Variants in TRPM5 observed in about 807,000 individuals in gnomAD.
The protein encoded by TRPM5 is transient receptor potential cation channel subfamily M member 5, also known as MLSN1 and TRP-related.
In TRPM5, 121 loss-of-function variants were observed where a neutral mutation model predicts 124.9. The observed-to-expected ratio is 0.97, with a 90% CI of 0.84 to 1.13. The LOEUF (loss-of-function observed/expected upper bound fraction) is 1.13. Among genes scored for constraint, TRPM5 ranks in the 50% most tolerant of loss-of-function variants. TRPM5 has a pLI of 0.00. For synonymous variants in TRPM5, 781 were observed against 700.5 expected (o/e 1.11, Z -1.81); for missense variants, 1,643 against 1,589.1 (o/e 1.03, Z -0.58).
chr11:2,429,828 C>G, the TRPM5 span, among the ~76,000 whole-genome samples: 2 of 151,962 alleles, frequency 1.3e-5, no homozygotes, highest in African/African-American at 2.4e-5. This position sits in a 1 kb window ranked among gnomAD's most constrained non-coding sequence, Gnocchi z 8.4. Context: ...GTGTCAAAGG[C>G]GGGACCAGGT....
At chr11:2,417,907 G>A (rs990458277) in intron 6 of TRPM5, 78 bp from the exon 12 acceptor site, 21 of 1,356,402 alleles carry the variant, frequency 1.5e-5, no homozygotes, top group African/African-American at 2.9e-5. Flanking sequence ...AGACACCAGC[G>A]TAGGCACAGG....
chr11:2,422,983 C>T (rs2133537385), exon 1 of TRPM5: 1 of 1,613,106 alleles, frequency 6.2e-7, no homozygotes, highest in Non-Finnish European at 8.5e-7. Context: ...CCAGCTCCCG[C>T]CGGTCTTCAG....
At chr11:2,414,837 C>T (rs771893857) in exon 11 of TRPM5, 1 of 1,591,578 alleles carries the variant, frequency 6.3e-7, no homozygotes, top group Non-Finnish European at 8.5e-7. Flanking sequence ...ACCTTCCTGG[C>T]CCTACGAGAC....
the TRPM5 span, among the ~76,000 whole-genome samples, chr11:2,431,114 T>C: frequency 6.6e-6 from 1 of 152,236 alleles, no homozygotes; most frequent in African/African-American, 2.4e-5. Context: ...CTTTGTCCCC[T>C]AGCATGGCTG....
exon 24 of TRPM5, chr11:2,404,843 G>T: frequency 9.4e-7 from 1 of 1,059,738 alleles, no homozygotes; most frequent in South Asian, 1.4e-5. Context: ...GGTGCCCCCT[G>T]GGGGGTTCCG....
the TRPM5 span, among the ~76,000 whole-genome samples, chr11:2,435,438 C>T: frequency 6.6e-6 from 1 of 152,196 alleles, no homozygotes; most frequent in African/African-American, 2.4e-5. The surrounding 1 kb of genome is among the most constrained non-coding windows in gnomAD (Gnocchi z 4.1). Context: ...ACCCAGCCAT[C>T]CAGCCTTCCA....
At chr11:2,406,836 G>A in intron 20 of TRPM5, 43 bp from the exon 26 acceptor site, 1 of 1,587,592 alleles carries the variant, frequency 6.3e-7, no homozygotes, top group African/African-American at 1.3e-5. Flanking sequence ...GAGCATGTGG[G>A]CGTCAGTGGC....
chr11:2,415,078 C>CG, intron 9 of TRPM5, 31 bp from the exon 15 acceptor site: 1 of 1,588,604 alleles, frequency 6.3e-7, no homozygotes, highest in Non-Finnish European at 8.5e-7. Context: ...CCTCCTGCTG[C>CG]GGCCCCAGCC....
chr11:2,428,539 G>A, the TRPM5 span, among the ~76,000 whole-genome samples: 3 of 151,250 alleles, frequency 2.0e-5, no homozygotes, highest in Admixed American at 6.6e-5. The surrounding 1 kb of genome is among the most constrained non-coding windows in gnomAD (Gnocchi z 4.0). Flanking sequence ...CATGGGGACC[G>A]TGCTGATGGC....
In TRPM5 at chr11:2,421,064, CG is replaced by C. The variant is rs1589875399; in HGVS notation, c.432del (p.Val145SerfsTer53). On this transcript the variant is annotated frameshift_variant, in exon 3 of 24. Coordinates refer to ENST00000155858, the Ensembl canonical transcript of TRPM5. LOFTEE classifies it high-confidence loss of function. The stretch of plus-strand genomic sequence containing the variant: ...TCCTCCAGAATGCGGCGGTGCAGGA[CG>C]CGGCCCAGCGAGGCCATGCCGACAG... 6.5e-7 allele frequency: 1 copy of C among 1,548,548 alleles called. No individual in the cohort carries two copies. Among genetic ancestry groups the C allele is most frequent in the Non-Finnish European group, 8.7e-7 (1 of 1,149,108 alleles).
the TRPM5 span, among the ~76,000 whole-genome samples, chr11:2,437,833 G>A: frequency 6.6e-6 from 1 of 152,198 alleles, no homozygotes; most frequent in South Asian, 2.1e-4. The surrounding 1 kb of genome is among the most constrained non-coding windows in gnomAD (Gnocchi z 5.6). Flanking sequence ...TGAGCATGCG[G>A]GGGCAGGTAG....
chr11:2,430,524 A>T, the TRPM5 span, among the ~76,000 whole-genome samples: 1 of 149,362 alleles, frequency 6.7e-6, no homozygotes, highest in East Asian at 2.0e-4. Context: ...AGTAATGATG[A>T]TGATAGTGCT....
At chr11:2,417,706 G>GGGGCCCCC in intron 7 of TRPM5, 21 bp downstream of exon 12, 2 of 1,087,302 alleles carry the variant, frequency 1.8e-6, no homozygotes, top group South Asian at 1.3e-5. Flanking sequence ...CGCCTGCCTT[G>GGGGCCCCC]CCCACCCTGC....
chr11:2,406,082 G>A lies in TRPM5; in HGVS notation c.3261C>T (p.Phe1087=), dbSNP rs149345638. The A allele has an allele frequency of 1.7e-4, 271 of 1,611,924 alleles. 4 individuals are homozygous for A. In the South Asian group the frequency reaches 2.8e-3, roughly 17 times the overall value. ...TCAGACCCCCGAGGTACTTGGCAAT[G>A]AAGTCCACTCTGCGGCAGGAGCAGG... is the stretch of plus-strand genomic sequence containing the variant. The change falls in exon 22 of 24, where the codon TTC becomes TTT. Residue 1087 remains phenylalanine, a synonymous_variant. Transcript: ENST00000155858.
At chr11:2,436,361 G>C in the TRPM5 span, among the ~76,000 whole-genome samples, 1 of 152,262 alleles carries the variant, frequency 6.6e-6, no homozygotes, top group Non-Finnish European at 1.5e-5. Context: ...TGAGTGCCCT[G>C]GTCAGTAGTG....
At chr11:2,432,769 G>T in the TRPM5 span, among the ~76,000 whole-genome samples, 19 of 152,236 alleles carry the variant, frequency 1.2e-4, no homozygotes, top group Admixed American at 2.6e-4. Context: ...TGTGGTGGGC[G>T]CCCCCAACCC....
At position 2,414,891 on chromosome 11, in the gene TRPM5, C is replaced by CGCG. The variant is rs1565010871; in HGVS notation, c.1620+13_1620+15dup. The CGCG allele has an allele frequency of 6.3e-7, 1 of 1,598,376 alleles. No individual in the cohort carries two copies. Among genetic ancestry groups the CGCG allele is most frequent in the East Asian group, 2.3e-5 (1 of 44,182 alleles). Reference sequence around the variant, plus strand: ...CCCTCCCCTGCCCCCGCGCTGGGCCCGCGGCCTGGGCTCACCATGGCCCAG... The same window carrying CGCG: ...CCCTCCCCTGCCCCCGCGCTGGGCCCGCGGCGGCCTGGGCTCACCATGGCCCAG... On this transcript the variant is annotated intron_variant, in intron 10 of 23. Transcript: ENST00000155858.
chr11:2,431,135 C>T, the TRPM5 span, among the ~76,000 whole-genome samples: 20 of 152,032 alleles, frequency 1.3e-4, no homozygotes, highest in African/African-American at 4.4e-4. Context: ...AAACCCTCAT[C>T]CTGAGAGGAG....
intron 7 of TRPM5, among the ~76,000 whole-genome samples, chr11:2,416,262 G>A (rs754355277): frequency 9.2e-5 from 14 of 152,218 alleles, no homozygotes; most frequent in Non-Finnish European, 1.6e-4. Context: ...GCTCCCATGT[G>A]AGGCAACTTC....
Sources: gnomAD v4.1 joint callset for allele counts (sites outside exome capture counted in the v4.1 genomes callset) on GRCh38, gnomAD v4.1.1 for gene constraint, Gnocchi (gnomAD v3.1) non-coding constraint, MANE v1.5 for transcripts, NCBI Gene and HGNC (gene_info 2026-07-23, HGNC 2026-07-21) for gene names.